ZBTB20: variants seen among roughly 807,000 people sequenced by gnomAD.
ZBTB20 encodes zinc finger and BTB domain-containing protein 20.
Under a neutral mutation model 56.9 loss-of-function variants are expected in ZBTB20, and 9 were observed. The observed-to-expected ratio is 0.16, with a 90% CI of 0.10 to 0.28. The LOEUF (loss-of-function observed/expected upper bound fraction) is 0.28. ZBTB20 is among the 10% of genes least tolerant of loss of function. The pLI, the probability that ZBTB20 is intolerant of heterozygous loss-of-function variation, is 1.00. For missense variants in ZBTB20, 655 were observed against 1,003.0 expected (o/e 0.65, Z 4.69); for synonymous variants, 417 against 420.7 (o/e 0.99, Z 0.11).
intron 6 of ZBTB20, among the ~76,000 whole-genome samples, chr3:114,537,672 A>C (rs1490068227): frequency 6.6e-6 from 1 of 152,192 alleles, no homozygotes; most frequent in East Asian, 1.9e-4. Flanking sequence ...TTCTACTATA[A>C]AGACACATGC....
intron 5 of ZBTB20, among the ~76,000 whole-genome samples, chr3:114,760,478 C>G (rs2068355936): frequency 2.0e-5 from 3 of 152,240 alleles, no homozygotes; most frequent in Middle Eastern, 3.4e-3. Flanking sequence ...GAAGAACATT[C>G]TAGGGAGAGG....
At chr3:114,976,669 G>C (rs1413213644) in intron 2 of ZBTB20, among the ~76,000 whole-genome samples, 2 of 151,546 alleles carry the variant, frequency 1.3e-5, no homozygotes, top group Non-Finnish European at 2.9e-5. Context: ...ATTGTTTTAG[G>C]ATTAAATAAT....
chr3:114,315,567 CAG>C lies in ZBTB20; in HGVS notation c.*23436_*23437del, dbSNP rs1491350890. 9 of 34,942 alleles carry C rather than the reference CAG, an allele frequency of 2.6e-4. No homozygotes were observed. Among genetic ancestry groups the C allele is most frequent in the African/African-American group, 8.2e-4 (9 of 10,918 alleles). 2.2% of individuals were successfully genotyped at this position (34,942 alleles called of 1,614,324 possible). ...TGTGTGTATTTTAGGTCTAAACATA[CAG>C]TGTGTGTGTGTGTGTGTGTGTGTGT... is the stretch of plus-strand genomic sequence containing the variant. On this transcript the variant is annotated 3_prime_UTR_variant, in exon 12 of 12. Transcript: ENST00000675478.
At chr3:114,516,058 C>CA (rs1365947807) in intron 6 of ZBTB20, among the ~76,000 whole-genome samples, 2 of 150,970 alleles carry the variant, frequency 1.3e-5, no homozygotes, top group East Asian at 3.9e-4. Context: ...TGTTAGCTTC[C>CA]AAAATCCATT....
At chr3:115,061,355 T>C (rs1032432256) in intron 2 of ZBTB20, among the ~76,000 whole-genome samples, 2 of 152,210 alleles carry the variant, frequency 1.3e-5, no homozygotes, top group African/African-American at 4.8e-5. Flanking sequence ...AATACATACA[T>C]TGTGATACTT....
At chr3:114,383,085 C>A (rs2108552251) in intron 8 of ZBTB20, among the ~76,000 whole-genome samples, 1 of 152,302 alleles carries the variant, frequency 6.6e-6, no homozygotes, top group African/African-American at 2.4e-5. Context: ...AAGTTTCCTA[C>A]TTTTTATGCA....
intron 3 of ZBTB20, among the ~76,000 whole-genome samples, chr3:114,916,708 T>C (rs965918394): frequency 5.9e-5 from 9 of 152,176 alleles, no homozygotes; most frequent in Non-Finnish European, 1.0e-4. Flanking sequence ...ACTTTAAATA[T>C]GTCATGCTAC....
At chr3:114,477,416 T>C (rs1380462942) in intron 7 of ZBTB20, among the ~76,000 whole-genome samples, 16 of 152,020 alleles carry the variant, frequency 1.1e-4, no homozygotes, top group Admixed American at 4.6e-4. Context: ...GGACACAGGG[T>C]CTGTTTTCAA....
intron 6 of ZBTB20, among the ~76,000 whole-genome samples, chr3:114,622,657 T>G (rs139235773): frequency 6.6e-6 from 1 of 152,192 alleles, no homozygotes; most frequent in South Asian, 2.1e-4. Flanking sequence ...GCACTCAGTA[T>G]AGCAAACAAA....
At chr3:114,538,709 C>CT (rs994986554) in intron 6 of ZBTB20, among the ~76,000 whole-genome samples, 4 of 152,146 alleles carry the variant, frequency 2.6e-5, no homozygotes, top group Non-Finnish European at 4.4e-5. Context: ...CTGTTTGTGT[C>CT]TGAGCATTCT....
At chr3:114,373,475 T>C (rs2083270327) in intron 10 of ZBTB20, among the ~76,000 whole-genome samples, 1 of 152,210 alleles carries the variant, frequency 6.6e-6, no homozygotes, top group South Asian at 2.1e-4. Context: ...CTCTGCGCTC[T>C]GTTTGTGCCT....
At chr3:115,061,484 C>T (rs2082009728) in intron 2 of ZBTB20, among the ~76,000 whole-genome samples, 1 of 152,200 alleles carries the variant, frequency 6.6e-6, no homozygotes, top group East Asian at 1.9e-4. Flanking sequence ...AAATAGTCTC[C>T]TATTAACCAA....
chr3:115,141,379 A>C (rs892934428), intron 1 of ZBTB20, among the ~76,000 whole-genome samples: 2 of 152,238 alleles, frequency 1.3e-5, no homozygotes, highest in Admixed American at 6.5e-5. Flanking sequence ...GCTTGAATAC[A>C]TAAAGCAAAA....
rs1240500361 is a variant in ZBTB20 at position 114,544,475 on chromosome 3, T to TTCTG, written c.-294-44085_-294-44084insCAGA. 2.3e-5 allele frequency among the ~76,000 whole-genome samples: 3 copies of TTCTG among 132,972 alleles called. No homozygotes were observed. The East Asian group carries it at 6.4e-4, about 29-fold the overall frequency. 87.2% of individuals were successfully genotyped at this position (132,972 alleles called of 152,430 possible). On this transcript the variant is annotated intron_variant, in intron 6 of 11. Transcript: ENST00000675478. ...TTTCTTTCTTTCTTTCTTTCTTTCT[T>TTCTG]TCTTTTTCTTTCACTTTCTTTCTTT... is the stretch of plus-strand genomic sequence containing the variant.
intron 3 of ZBTB20, among the ~76,000 whole-genome samples, chr3:114,938,146 T>G (rs113065714): frequency 0.024 from 3,115 of 129,974 alleles, 156 homozygotes; most frequent in South Asian, 0.038. Context: ...ATAAAATATT[T>G]AAGTTCCTTA....
At position 114,327,458 on chromosome 3, in the gene ZBTB20, C is replaced by T. The variant is rs2079100483; in HGVS notation, c.*11547G>A. The T allele has an allele frequency of 1.3e-5, 2 of 151,728 alleles. No homozygotes were observed. The highest frequency in any genetic ancestry group is 2.4e-5 in the African/African-American group (1 of 41,290). 9.4% of individuals were successfully genotyped at this position (151,728 alleles called of 1,614,324 possible). On this transcript the variant is annotated 3_prime_UTR_variant, in exon 12 of 12. Transcript: ENST00000675478. ...AGAGTACTTTAAGAAAAAAAAAATACCAGGAGTTAGAATGGACAAAGAAAA... is the reference window on the plus strand; with the variant it reads ...AGAGTACTTTAAGAAAAAAAAAATATCAGGAGTTAGAATGGACAAAGAAAA...
At chr3:115,077,617 C>A (rs990456905) in intron 1 of ZBTB20, among the ~76,000 whole-genome samples, 1 of 152,084 alleles carries the variant, frequency 6.6e-6, no homozygotes, top group African/African-American at 2.4e-5. Flanking sequence ...TACAAATGGC[C>A]AAGAGATATA....
chr3:115,000,803 T>C (rs1349550382), intron 2 of ZBTB20, among the ~76,000 whole-genome samples: 1 of 151,600 alleles, frequency 6.6e-6, no homozygotes, highest in Non-Finnish European at 1.5e-5. Flanking sequence ...AACCTCATTA[T>C]ATATTTTTAA....
rs954112674 is a variant in ZBTB20, at chr3:114,428,999, C to T, written c.-254-39894G>A. ...ATTTAAACAATTATACATATATATA[C>T]AAAAAAAGATACAGGGGGAGAGATC... On this transcript the variant is annotated intron_variant, in intron 7 of 11. Transcript: ENST00000675478. Among the ~76,000 whole-genome samples, 22 of 148,440 alleles carry T rather than the reference C, an allele frequency of 1.5e-4. 1 individual carries two copies. In the East Asian group the frequency reaches 3.9e-3, roughly 26 times the overall value.
Sources: gnomAD v4.1 joint callset for allele counts (sites outside exome capture counted in the v4.1 genomes callset) on GRCh38, gnomAD v4.1.1 for gene constraint, MANE v1.5 for transcripts, NCBI Gene and HGNC (gene_info 2026-07-23, HGNC 2026-07-21) for gene names.